The following TBPL2 variants were observed in gnomAD, a reference collection of about 807,000 sequenced individuals.
TBPL2 encodes TATA box-binding protein-like 2.
Under a neutral mutation model 38.2 loss-of-function variants are expected in TBPL2, and 40 were observed. The ratio of observed to expected loss-of-function variants is 1.05; its 90% CI spans 0.81 to 1.36. The LOEUF is 1.36. Ranked by LOEUF, TBPL2 falls within the 40% of genes most tolerant of loss-of-function variation. TBPL2 has a pLI of 0.00. For synonymous variants in TBPL2, 169 were observed against 171.7 expected (o/e 0.98, Z 0.12); for missense variants, 461 against 456.7 (o/e 1.01, Z -0.09).
At position 55,436,989 on chromosome 14, in the gene TBPL2, CA is replaced by C; in HGVS notation, c.179del (p.Leu60ArgfsTer13). 6.2e-7 allele frequency: 1 copy of C among 1,614,082 alleles called. No homozygotes were observed. ...TATCATAAGGTACAACTGGGCTGAA[CA>C]GGGGAGACCTGGGTGGGGCAAGGCC... On this transcript the variant is annotated frameshift_variant, in exon 2 of 7. Transcript: ENST00000247219. LOFTEE classifies it high-confidence loss of function.
At chr14:55,415,444 C>T (rs932799693) in intron 6 of TBPL2, among the ~76,000 whole-genome samples, 4 of 152,176 alleles carry the variant, frequency 2.6e-5, no homozygotes, top group Admixed American at 2.0e-4. Flanking sequence ...CAATTTCACG[C>T]CTTGGTAAAT....
At chr14:55,439,723 G>A (rs1053035559) in intron 1 of TBPL2, among the ~76,000 whole-genome samples, 10 of 151,586 alleles carry the variant, frequency 6.6e-5, no homozygotes, top group African/African-American at 2.4e-4. Context: ...GAGGTCAGGA[G>A]ATCGAGACCA....
At chr14:55,415,632 A>G (rs1015483503) in intron 6 of TBPL2, among the ~76,000 whole-genome samples, 4 of 152,182 alleles carry the variant, frequency 2.6e-5, no homozygotes, top group African/African-American at 9.7e-5. Context: ...TGGGAGTCCC[A>G]GGCAGGTGGA....
chr14:55,426,486 T>G (rs939651763), intron 5 of TBPL2, among the ~76,000 whole-genome samples: 21 of 152,058 alleles, frequency 1.4e-4, no homozygotes, highest in African/African-American at 4.8e-4. Flanking sequence ...TATAACTGAT[T>G]ATGTAGCATG....
At position 55,420,741 on chromosome 14, in the gene TBPL2, A is replaced by G. The variant is rs1040543558; in HGVS notation, c.1051+3418T>C. ...TTTACTTCTGTGATTTGAAACTGGC[A>G]AATGTGTAAATGAAAGCTTTTTAAA... is the stretch of plus-strand genomic sequence containing the variant. On this transcript the variant is annotated intron_variant, in intron 6 of 6. Coordinates refer to ENST00000247219, the Ensembl canonical transcript of TBPL2. 2.0e-5 allele frequency among the ~76,000 whole-genome samples: 3 copies of G among 148,858 alleles called. 1 individual carries two copies. In the South Asian group the frequency reaches 6.3e-4, roughly 31 times the overall value.
At chr14:55,423,518 A>G (rs1885776358) in intron 6 of TBPL2, among the ~76,000 whole-genome samples, 1 of 152,246 alleles carries the variant, frequency 6.6e-6, no homozygotes. Flanking sequence ...GTTTGATTCA[A>G]TAACATGTTA....
intron 2 of TBPL2, 26 bp from the exon 3 acceptor site, chr14:55,435,960 CTT>C (rs761767054): frequency 7.9e-6 from 10 of 1,270,260 alleles, no homozygotes; most frequent in Non-Finnish European, 1.1e-5. Context: ...AGTTTAGAAA[CTT>C]ATATCAGATA....
chr14:55,428,119 CTTTTTTTTT>C (rs567342581), intron 5 of TBPL2, among the ~76,000 whole-genome samples: 39 of 43,360 alleles, frequency 9.0e-4, no homozygotes, highest in East Asian at 1.7e-3. Context: ...CATGCCTTAT[CTTTTTTTTT>C]TTTTTTTTTT....
intron 5 of TBPL2, 42 bp from the exon 6 acceptor site, chr14:55,424,295 C>T (rs773865642): frequency 5.3e-6 from 7 of 1,314,692 alleles, no homozygotes; most frequent in Non-Finnish European, 7.7e-6. Context: ...TAGCACTATT[C>T]AGCTCCTTTC....
intron 6 of TBPL2, among the ~76,000 whole-genome samples, chr14:55,420,883 C>T (rs1264307801): frequency 1.1e-4 from 16 of 151,742 alleles, no homozygotes; most frequent in Admixed American, 1.0e-3. Context: ...CACGGTGAAA[C>T]CCCGTCTCTA....
chr14:55,439,620 C>CCCCCCCCG (rs1566596499), intron 1 of TBPL2, among the ~76,000 whole-genome samples: 2 of 134,284 alleles, frequency 1.5e-5, no homozygotes, highest in Non-Finnish European at 3.2e-5. Context: ...GCAAACCCCC[C>CCCCCCCCG]CCCGTCTCTA....
At chr14:55,427,822 T>A (rs908178480) in intron 5 of TBPL2, among the ~76,000 whole-genome samples, 5 of 139,634 alleles carry the variant, frequency 3.6e-5, no homozygotes, top group Non-Finnish European at 7.6e-5. Context: ...TGTTGCGGGC[T>A]GCAGCTATAT....
chr14:55,440,418 T>G, exon 1 of TBPL2: 1 of 1,612,870 alleles, frequency 6.2e-7, no homozygotes, highest in Non-Finnish European at 8.5e-7. Flanking sequence ...CTGGTCCAGG[T>G]AGAGCTCCAG....
At chr14:55,427,189 G>C (rs1291129083) in intron 5 of TBPL2, among the ~76,000 whole-genome samples, 1 of 152,146 alleles carries the variant, frequency 6.6e-6, no homozygotes, top group Non-Finnish European at 1.5e-5. Flanking sequence ...GATACCTAAA[G>C]AGGCAACATG....
intron 6 of TBPL2, among the ~76,000 whole-genome samples, chr14:55,421,887 C>A (rs2140167063): frequency 6.6e-6 from 1 of 152,258 alleles, no homozygotes; most frequent in African/African-American, 2.4e-5. Flanking sequence ...ATGACTTAAT[C>A]AACTTTTCTG....
intron 6 of TBPL2, among the ~76,000 whole-genome samples, chr14:55,422,733 G>T (rs529933964): frequency 6.6e-6 from 1 of 152,176 alleles, no homozygotes; most frequent in African/African-American, 2.4e-5. Flanking sequence ...TGTGCCTGTA[G>T]TCTCAGCTAC....
intron 2 of TBPL2, 96 bp from the exon 3 acceptor site, chr14:55,436,030 GC>G: frequency 1.4e-6 from 1 of 706,010 alleles, no homozygotes; most frequent in South Asian, 2.2e-5. Context: ...TTATACCTTA[GC>G]AATTTCCTAG....
chr14:55,440,324 G>A lies in TBPL2; in HGVS notation c.150+72C>T, dbSNP rs1378284428. ...GGTCGCTATGAGTTTTAAGAGGAAC[G>A]AAGGCAAAGCCCTTGGCACAGGACC... On this transcript the variant is annotated intron_variant, in intron 1 of 6. Transcript: ENST00000247219. 8.9e-6 allele frequency: 14 copies of A among 1,569,156 alleles called. No individual in the cohort carries two copies. In the East Asian group the frequency reaches 2.7e-4, roughly 30 times the overall value.
exon 7 of TBPL2, chr14:55,414,344 C>T: frequency 6.6e-7 from 1 of 1,508,868 alleles, no homozygotes; most frequent in Non-Finnish European, 9.1e-7. Flanking sequence ...TGGACATATT[C>T]AAACCAGAAT....
Sources: allele counts gnomAD v4.1 joint callset (sites outside exome capture counted in the v4.1 genomes callset), GRCh38; gene constraint gnomAD v4.1.1; transcripts MANE v1.5; gene names NCBI Gene and HGNC (gene_info 2026-07-23, HGNC 2026-07-21).